The following SUSD5 variants were observed in gnomAD, a reference collection of about 807,000 sequenced individuals.
The protein encoded by SUSD5 is sushi domain containing 5.
SUSD5 carries 33 observed loss-of-function variants against 29.5 expected under a neutral mutation model. The ratio of observed to expected loss-of-function variants is 1.12; its 90% CI spans 0.85 to 1.49. SUSD5 has a LOEUF of 1.49. Ranked by LOEUF, SUSD5 falls within the 40% of genes most tolerant of loss-of-function variation. SUSD5 has a pLI of 0.00. For synonymous variants in SUSD5, 308 were observed against 325.3 expected (o/e 0.95, Z 0.57); for missense variants, 776 against 800.6 (o/e 0.97, Z 0.37).
At chr3:33,216,538 C>T (rs958248962) in intron 1 of SUSD5, among the ~76,000 whole-genome samples, 4 of 152,166 alleles carry the variant, frequency 2.6e-5, no homozygotes, top group African/African-American at 9.6e-5. Flanking sequence ...TAATATGTTT[C>T]ATAAACATAG....
Position 33,218,756 on chromosome 3 carries a change from T to C in SUSD5, c.42A>G (p.Arg14=). 7.1e-7 allele frequency: 1 copy of C among 1,409,122 alleles called. No individual in the cohort carries two copies. The highest frequency in any genetic ancestry group is 9.2e-7 in the Non-Finnish European group (1 of 1,088,778). The allele number at this position is 1,409,122 out of a possible 1,614,324, so 87.3% of individuals were successfully genotyped here. ...CCGCCGCCCAGAGCCCGGGGAGGCGTCTGTGCCAACGGGCAGGCGGGCTGG... is the reference window on the plus strand; with the variant it reads ...CCGCCGCCCAGAGCCCGGGGAGGCGCCTGTGCCAACGGGCAGGCGGGCTGG... ...EGPSPPARWH[R]RLPGLWAAAL... Residue 14 remains arginine (R), a synonymous_variant, in exon 1 of 5, where the codon AGA becomes AGG. Coordinates refer to ENST00000309558, the MANE Select transcript of SUSD5 (RefSeq NM_015551.2).
rs6787845 is a variant in SUSD5 at position 33,187,176 on chromosome 3, T to G, written c.410-12102A>C. Among the ~76,000 whole-genome samples, 654 of 152,322 alleles carry G rather than the reference T, an allele frequency of 4.3e-3. 5 individuals carry two copies. Among genetic ancestry groups the G allele is most frequent in the African/African-American group, 0.014 (590 of 41,564 alleles). On this transcript the variant is annotated intron_variant, in intron 3 of 4. Transcript: ENST00000309558. ...TGTTCAGCAAACACTATGAAAGGAC[T>G]GATTAATACTTTCAGTCTCACATAA...
In SUSD5 at chr3:33,190,694, T is replaced by C. The variant is rs912361465; in HGVS notation, c.410-15620A>G. 2.6e-5 allele frequency among the ~76,000 whole-genome samples: 4 copies of C among 152,326 alleles called. No individual in the cohort carries two copies. In the East Asian group the frequency reaches 7.7e-4, roughly 29 times the overall value. The stretch of plus-strand genomic sequence containing the variant: ...GCTGATTACTTCAAACTGAGGGCAC[T>C]TGGGGGACAGAAGATGCAGGCAGAG... On this transcript the variant is annotated intron_variant, in intron 3 of 4. Coordinates refer to ENST00000309558, the MANE Select transcript of SUSD5 (RefSeq NM_015551.2).
chr3:33,180,459 C>A (rs117208321), intron 3 of SUSD5, among the ~76,000 whole-genome samples: 2,064 of 152,250 alleles, frequency 0.014, 40 homozygotes, highest in East Asian at 0.083. Flanking sequence ...CTCCTGGGCT[C>A]AAGTGATCCT....
chr3:33,197,035 G>C (rs1164860086), intron 3 of SUSD5, among the ~76,000 whole-genome samples: 1 of 152,182 alleles, frequency 6.6e-6, no homozygotes, highest in Non-Finnish European at 1.5e-5. Context: ...TGAACACAGG[G>C]TACTACAGCA....
At chr3:33,194,698 G>A (rs2031962264) in intron 3 of SUSD5, among the ~76,000 whole-genome samples, 1 of 152,104 alleles carries the variant, frequency 6.6e-6, no homozygotes, top group Non-Finnish European at 1.5e-5. Context: ...AAACCAGAAG[G>A]CAGTAGATGG....
At chr3:33,206,971 G>A (rs1378742393) in intron 3 of SUSD5, among the ~76,000 whole-genome samples, 1 of 151,612 alleles carries the variant, frequency 6.6e-6, no homozygotes, top group Admixed American at 6.6e-5. Context: ...TCGTTTCTAT[G>A]ACTGATTAGT....
chr3:33,164,774 CATCATTA>C, intron 4 of SUSD5, among the ~76,000 whole-genome samples: 1 of 152,234 alleles, frequency 6.6e-6, no homozygotes, highest in East Asian at 1.9e-4. Flanking sequence ...AGGTGCTTAA[CATCATTA>C]ATCAGGGAAA....
In SUSD5 at chr3:33,152,636, A is replaced by T; in HGVS notation, c.*106T>A. The T allele has an allele frequency of 7.9e-7, 1 of 1,270,152 alleles. No homozygotes were observed. Among genetic ancestry groups the T allele is most frequent in the Non-Finnish European group, 1.1e-6 (1 of 932,450 alleles). The allele number at this position is 1,270,152 out of a possible 1,614,324, so 78.7% of individuals were successfully genotyped here. A position where few individuals can be genotyped will look rare whatever the true frequency, so the allele number is the denominator to read the frequency against. The stretch of plus-strand genomic sequence containing the variant: ...TATAAAACAAAGGGCTGAGGAAAAA[A>T]TGATGAGCCTCAGTCCACCTGCGTC... On this transcript the variant is annotated 3_prime_UTR_variant, in exon 5 of 5. Transcript: ENST00000309558.
intron 2 of SUSD5, among the ~76,000 whole-genome samples, chr3:33,211,691 C>T (rs2032326691): frequency 1.3e-5 from 2 of 152,242 alleles, no homozygotes; most frequent in African/African-American, 4.8e-5. Flanking sequence ...TTTGCTTTCA[C>T]ATTTCCTGTG....
At chr3:33,166,119 T>G (rs1023041962) in intron 4 of SUSD5, among the ~76,000 whole-genome samples, 1 of 152,248 alleles carries the variant, frequency 6.6e-6, no homozygotes, top group African/African-American at 2.4e-5. Context: ...CAATTAAGAA[T>G]TCACTCTGGG....
At chr3:33,159,965 A>G (rs1304278906) in intron 4 of SUSD5, among the ~76,000 whole-genome samples, 1 of 152,170 alleles carries the variant, frequency 6.6e-6, no homozygotes, top group Non-Finnish European at 1.5e-5. Context: ...CCTGGGAGTC[A>G]GCAAATCCTA....
chr3:33,205,688 T>C (rs2032205027), intron 3 of SUSD5, among the ~76,000 whole-genome samples: 1 of 152,224 alleles, frequency 6.6e-6, no homozygotes, highest in Admixed American at 6.5e-5. Context: ...CAGGCTGGCC[T>C]GTTGGATGAG....
rs12629116 is a variant in SUSD5 at position 33,204,203 on chromosome 3, A to G, written c.409+3605T>C. Among the ~76,000 whole-genome samples the G allele has an allele frequency of 0.038, 5,838 of 152,218 alleles. 321 individuals are homozygous for G. The highest frequency in any genetic ancestry group is 0.13 in the African/African-American group (5,285 of 41,512). ...TATATACATATTTACATATGTATAT[A>G]TATGTATCTTGCTATGTTGCCCAGG... On this transcript the variant is annotated intron_variant, in intron 3 of 4. Coordinates refer to ENST00000309558, the MANE Select transcript of SUSD5 (RefSeq NM_015551.2). This position sits in a 1 kb window ranked among gnomAD's most constrained non-coding sequence, Gnocchi z 4.5.
intron 3 of SUSD5, among the ~76,000 whole-genome samples, chr3:33,199,200 T>G (rs1046306438): frequency 1.3e-4 from 19 of 149,294 alleles, no homozygotes; most frequent in African/African-American, 4.7e-4. Flanking sequence ...TGTCTTTTTT[T>G]CTAGGGGAGA....
At chr3:33,181,016 A>T (rs1365527048) in intron 3 of SUSD5, among the ~76,000 whole-genome samples, 1 of 150,356 alleles carries the variant, frequency 6.7e-6, no homozygotes, top group African/African-American at 2.4e-5. Flanking sequence ...TTTAAAAAAT[A>T]AAAAAAGTAT....
intron 3 of SUSD5, among the ~76,000 whole-genome samples, chr3:33,182,242 C>T (rs2031688357): frequency 6.6e-6 from 1 of 152,166 alleles, no homozygotes; most frequent in Admixed American, 6.5e-5. Flanking sequence ...TTCCAGCTAT[C>T]ATTCTGTTAT....
chr3:33,153,522 C>T lies in SUSD5; in HGVS notation c.1110G>A (p.Trp370Ter), dbSNP rs1415071504. The T allele has an allele frequency of 2.5e-6, 4 of 1,613,986 alleles. No individual in the cohort carries two copies. Among genetic ancestry groups the T allele is most frequent in the Admixed American group, 1.7e-5 (1 of 60,004 alleles). ...DPVVSSSDES[W>*]LDGYPVTEGA... is the part of the protein sequence containing the mutation. ...CCTCTGTCACAGGGTAGCCATCTAA[C>T]CAGGACTCATCACTGCTGCTCACCA... The change falls in exon 5 of 5, where the codon TGG becomes TGA. Residue 370 changes from tryptophan (W) to a stop codon, truncating the protein, a stop_gained. Transcript: ENST00000309558. LOFTEE classifies it low-confidence loss of function (END_TRUNC).
chr3:33,212,987 G>A (rs1169770343), intron 2 of SUSD5, among the ~76,000 whole-genome samples: 9 of 152,098 alleles, frequency 5.9e-5, no homozygotes, highest in Non-Finnish European at 1.3e-4. Flanking sequence ...GATAAAGAAT[G>A]TATACCAAAC....
Sources: gnomAD v4.1 joint callset for allele counts (sites outside exome capture counted in the v4.1 genomes callset) on GRCh38, gnomAD v4.1.1 for gene constraint, Gnocchi (gnomAD v3.1) non-coding constraint, MANE v1.5 for transcripts, NCBI Gene and HGNC (gene_info 2026-07-23, HGNC 2026-07-21) for gene names.